DGLUCY: variants seen among roughly 807,000 people sequenced by gnomAD.
DGLUCY encodes the protein D-glutamate cyclase, mitochondrial.
In DGLUCY, 58 loss-of-function variants were observed where a neutral mutation model predicts 58.5. The observed-to-expected ratio is 0.99, with a 90% CI of 0.80 to 1.23. The LOEUF (loss-of-function observed/expected upper bound fraction) is 1.23, where lower values mean the gene tolerates loss of function less well. DGLUCY is among the 50% of genes most tolerant of loss of function. The pLI, the probability that DGLUCY is intolerant of heterozygous loss-of-function variation, is 0.00. For missense variants in DGLUCY, 779 were observed against 784.7 expected, an observed-to-expected ratio of 0.99 and a Z score of 0.09; for synonymous variants, 325 against 314.1, an observed-to-expected ratio of 1.03 and a Z score of -0.37.
intron 1 of DGLUCY, among the ~76,000 whole-genome samples, chr14:91,118,805 T>C (rs2045164310): frequency 6.6e-6 from 1 of 152,102 alleles, no homozygotes; most frequent in Non-Finnish European, 1.5e-5. Context: ...TACTTTTGGT[T>C]TATACTTTCA....
chr14:91,061,923 G>C (rs1301956629), intron 1 of DGLUCY, among the ~76,000 whole-genome samples: 2 of 152,182 alleles, frequency 1.3e-5, no homozygotes, highest in African/African-American at 4.8e-5. Flanking sequence ...GCAGACACGA[G>C]AATGGGAAAA....
chr14:91,173,767 C>G (rs1289421813), intron 6 of DGLUCY: 1 of 217,126 alleles, frequency 4.6e-6, no homozygotes, highest in African/African-American at 2.3e-5. Flanking sequence ...CCACCCTTGG[C>G]AGAATAGCCA....
At position 91,173,363 on chromosome 14, in the gene DGLUCY, C is replaced by G. The variant is rs553473732; in HGVS notation, c.531C>G (p.Asp177Glu). The G allele has an allele frequency of 1.2e-6, 2 of 1,613,514 alleles. No homozygotes were observed. The highest frequency in any genetic ancestry group is 2.2e-5 in the South Asian group (2 of 91,046). The change falls in exon 6 of 14, where the codon GAC becomes GAG. Residue 177 changes from aspartate (D) to glutamate (E), a missense_variant. Coordinates refer to ENST00000256324, the MANE Select transcript of DGLUCY (RefSeq NM_001102368.3). ...LVVTMRPIPK[D>E]KLEGLVRACC... The stretch of plus-strand genomic sequence containing the variant: ...TCACGATGAGGCCCATTCCCAAGGA[C>G]AAGCTGGAAGGGCTGGTGCGGGCCT...
intron 3 of DGLUCY, among the ~76,000 whole-genome samples, chr14:91,164,554 A>G (rs2048170724): frequency 6.6e-6 from 1 of 152,214 alleles, no homozygotes; most frequent in Non-Finnish European, 1.5e-5. Context: ...GGGCACCTCA[A>G]GCCCAGTAAC....
At position 91,097,633 on chromosome 14, in the gene DGLUCY, C is replaced by G. The variant is rs527284695; in HGVS notation, c.-82+36929C>G. ...CAGCTTGCCCACCCTCACCTTGACC[C>G]CATGTCTCTCTCTACTTGGCGATCA... is the stretch of plus-strand genomic sequence containing the variant. On this transcript the variant is annotated intron_variant, in intron 1 of 4. Coordinates refer to the DGLUCY transcript ENST00000521334. Among the ~76,000 whole-genome samples, 12 of 152,120 alleles carry G rather than the reference C, an allele frequency of 7.9e-5. No individual in the cohort carries two copies. In the East Asian group the frequency reaches 2.1e-3, roughly 27 times the overall value.
At chr14:91,158,613 G>C (rs1156429572) in intron 2 of DGLUCY, among the ~76,000 whole-genome samples, 2 of 152,096 alleles carry the variant, frequency 1.3e-5, no homozygotes, top group Non-Finnish European at 2.9e-5. Context: ...GGAAAGTCAG[G>C]CTTGTCCAGA....
chr14:91,220,747 T>C lies in DGLUCY; in HGVS notation c.1717-3937T>C, dbSNP rs561201056. The C allele has an allele frequency of 5.9e-5, 26 of 444,272 alleles. No individual in the cohort carries two copies. The East Asian group carries it at 1.7e-3, about 29-fold the overall frequency. 27.5% of individuals were successfully genotyped at this position (444,272 alleles called of 1,614,324 possible). On this transcript the variant is annotated intron_variant, in intron 13 of 13. Coordinates refer to ENST00000256324, the MANE Select transcript of DGLUCY (RefSeq NM_001102368.3). ...GCCCCATCTTGCTCTACGGGAAGCC[T>C]CAGCACCATGTTCCCGCCTGCCTCG...
At chr14:91,143,701 C>G (rs1311742577) in intron 1 of DGLUCY, among the ~76,000 whole-genome samples, 1 of 152,120 alleles carries the variant, frequency 6.6e-6, no homozygotes, top group Admixed American at 6.6e-5. Context: ...GACAATATAC[C>G]TGTGAGGGCC....
intron 11 of DGLUCY, among the ~76,000 whole-genome samples, chr14:91,201,151 C>T (rs1363584576): frequency 6.6e-6 from 1 of 152,088 alleles, no homozygotes; most frequent in Non-Finnish European, 1.5e-5. Flanking sequence ...AGGGCAGGAA[C>T]AAATCACGAT....
intron 10 of DGLUCY, among the ~76,000 whole-genome samples, chr14:91,197,091 C>T (rs1306748914): frequency 6.6e-6 from 1 of 152,144 alleles, no homozygotes; most frequent in Admixed American, 6.5e-5. Context: ...CTCAGCCTCC[C>T]AAGTAGCTGG....
chr14:91,063,541 C>CA (rs2043767610), intron 1 of DGLUCY, among the ~76,000 whole-genome samples: 1 of 152,240 alleles, frequency 6.6e-6, no homozygotes, highest in South Asian at 2.1e-4. Context: ...GCAATACATA[C>CA]ACCGTTTTAG....
intron 1 of DGLUCY, among the ~76,000 whole-genome samples, chr14:91,067,399 C>T (rs1474898950): frequency 6.6e-6 from 1 of 152,170 alleles, no homozygotes; most frequent in African/African-American, 2.4e-5. Context: ...GCAGGAAGTT[C>T]CTCACCTTTG....
At chr14:91,192,510 C>T (rs371502986) in intron 9 of DGLUCY, among the ~76,000 whole-genome samples, 1 of 152,290 alleles carries the variant, frequency 6.6e-6, no homozygotes, top group East Asian at 1.9e-4. Flanking sequence ...TGACTCACGC[C>T]TGTAATCCCA....
intron 13 of DGLUCY, chr14:91,220,359 G>C: frequency 2.5e-6 from 1 of 401,004 alleles, no homozygotes; most frequent in Non-Finnish European, 5.1e-6. Flanking sequence ...TGGATTAATA[G>C]CAAGTGTTCA....
chr14:91,113,993 G>C (rs975989227), upstream of DGLUCY: 2 of 152,292 alleles, frequency 1.3e-5, no homozygotes, highest in African/African-American at 4.8e-5. Flanking sequence ...CCAGCCAGCT[G>C]CCAGCAGCTC....
At chr14:91,144,042 C>T (rs533901965) in intron 1 of DGLUCY, among the ~76,000 whole-genome samples, 2 of 152,304 alleles carry the variant, frequency 1.3e-5, no homozygotes, top group African/African-American at 4.8e-5. Context: ...ACAGGCTCCA[C>T]TCACAAGCCT....
intron 12 of DGLUCY, 152 bp downstream of exon 12, chr14:91,204,977 C>T (rs1316208996): frequency 2.1e-6 from 2 of 970,812 alleles, no homozygotes; most frequent in African/African-American, 1.6e-5. Context: ...TATGACCTTT[C>T]ATTCAGTCAT....
At chr14:91,155,774 G>A (rs190042668) in intron 1 of DGLUCY, among the ~76,000 whole-genome samples, 8 of 150,026 alleles carry the variant, frequency 5.3e-5, no homozygotes, top group African/African-American at 2.0e-4. Flanking sequence ...TCTAGCCTGG[G>A]CAAGAGAGCA....
chr14:91,135,284 A>G (rs553685363), intron 1 of DGLUCY, among the ~76,000 whole-genome samples: 3 of 152,188 alleles, frequency 2.0e-5, no homozygotes, highest in African/African-American at 7.2e-5. Flanking sequence ...CTGGTATAAT[A>G]TGATGGTATT....
Sources: gnomAD v4.1 joint callset for allele counts (sites outside exome capture counted in the v4.1 genomes callset) on GRCh38, gnomAD v4.1.1 for gene constraint, MANE v1.5 for transcripts, NCBI Gene and HGNC (gene_info 2026-07-23, HGNC 2026-07-21) for gene names.